The following BTNL2 variants were observed in gnomAD, a reference collection of about 807,000 sequenced individuals.
The protein encoded by BTNL2 is butyrophilin like 2, also known as butyrophilin-like protein 2.
A neutral mutation model predicts 46.8 loss-of-function variants in BTNL2; 46 were observed. That is an observed-to-expected ratio of 0.98 (90% CI 0.78 to 1.26). The LOEUF is 1.26. Among genes scored for constraint, BTNL2 ranks in the 50% most tolerant of loss-of-function variants. The pLI, the probability that BTNL2 is intolerant of heterozygous loss-of-function variation, is 0.00. For synonymous variants in BTNL2, 226 were observed against 229.1 expected (o/e 0.99, Z 0.12); for missense variants, 461 against 592.6 (o/e 0.78, Z 2.31).
Position 32,399,062 on chromosome 6 carries a change from C to A in BTNL2, c.731-2676G>T, listed in dbSNP as rs1481590632. Among the ~76,000 whole-genome samples, 1 of 152,060 alleles carries A rather than the reference C, an allele frequency of 6.6e-6. No individual in the cohort carries two copies. Among genetic ancestry groups the A allele is most frequent in the African/African-American group, 2.4e-5 (1 of 41,432 alleles). ...TTAAGCCCAGCATCCATTAGCTGTT[C>A]TTCCTGATGCTCTCCCTCCCCCATC... is the stretch of plus-strand genomic sequence containing the variant. On this transcript the variant is annotated intron_variant, in intron 4 of 7. Coordinates refer to ENST00000454136, the MANE Select transcript of BTNL2 (RefSeq NM_001304561.2). This position sits in a 1 kb window ranked among gnomAD's most constrained non-coding sequence, Gnocchi z 5.2.
rs117646657 is a variant in BTNL2, at chr6:32,399,274, T to G, written c.730+2511A>C. ...TGTTTTGTTTTGGTTATTGTTTGTA[T>G]GTTCTGAATGCCTTCTGAATATCCA... On this transcript the variant is annotated intron_variant, in intron 4 of 7. Transcript: ENST00000454136. This position sits in a 1 kb window ranked among gnomAD's most constrained non-coding sequence, Gnocchi z 5.2. 0.018 allele frequency among the ~76,000 whole-genome samples: 2,671 copies of G among 152,360 alleles called. 79 individuals carry two copies. Among genetic ancestry groups the G allele is most frequent in the East Asian group, 0.11 (571 of 5,188 alleles).
chr6:32,403,224 G>C lies in BTNL2; in HGVS notation c.428-8C>G. 1 of 1,595,118 alleles carries C rather than the reference G, an allele frequency of 6.3e-7. No homozygotes were observed. Among genetic ancestry groups the C allele is most frequent in the Non-Finnish European group, 8.5e-7 (1 of 1,170,222 alleles). ...TAGGGGCAGACCCCAGACCTGCAGA[G>C]GGAAGCCACAGCTCTGACACCCAGA... On this transcript the variant is annotated splice_region_variant and splice_polypyrimidine_tract_variant and intron_variant, in intron 2 of 7. Transcript: ENST00000454136.
chr6:32,396,145 C>T lies in BTNL2; in HGVS notation c.972G>A (p.Leu324=). 5 of 1,613,100 alleles carry T rather than the reference C, an allele frequency of 3.1e-6. No homozygotes were observed. Among genetic ancestry groups the T allele is most frequent in the Non-Finnish European group, 4.2e-6 (5 of 1,180,034 alleles). ...LVSDAIDEGR[L]TLQILSARPS... ...GTCTGGCACTGAGTATCTGCAGGGT[C>T]AGTCTGCCCTCGTCAATGGCGTCAC... The change falls in exon 5 of 8, where the codon CTG becomes CTA. Residue 324 remains leucine (L), a synonymous_variant. Coordinates refer to ENST00000454136, the MANE Select transcript of BTNL2 (RefSeq NM_001304561.2). This position sits in a 1 kb window ranked among gnomAD's most constrained non-coding sequence, Gnocchi z 4.4.
intron 5 of BTNL2, among the ~76,000 whole-genome samples, chr6:32,395,370 C>T (rs117674164): frequency 0.012 from 1,768 of 152,086 alleles, 69 homozygotes; most frequent in East Asian, 0.11. Flanking sequence ...TCTCAAAAAT[C>T]GAAACCTTAT....
intron 1 of BTNL2, 81 bp downstream of exon 1, chr6:32,406,964 T>C: frequency 1.5e-6 from 2 of 1,349,472 alleles, no homozygotes; most frequent in Admixed American, 1.8e-5. Flanking sequence ...CTTACACTCT[T>C]AGATGTTGTT....
At chr6:32,406,760 TCCTAAAGCCTGTGCTG>T (rs1300612099) in intron 1 of BTNL2, 52 of 233,466 alleles carry the variant, frequency 2.2e-4, no homozygotes, top group Middle Eastern at 1.3e-3. Context: ...TCTCATTTAA[TCCTAAAGCCTGTGCTG>T]GCCTCTGAGA....
At chr6:32,401,896 T>C in intron 3 of BTNL2, 91 bp from the exon 4 acceptor site, 1 of 1,052,356 alleles carries the variant, frequency 9.5e-7, no homozygotes, top group Non-Finnish European at 1.4e-6. Context: ...ATTTATACAT[T>C]ATATAGGGAA....
At position 32,403,114 on chromosome 6, in the gene BTNL2, C is replaced by G; in HGVS notation, c.530G>C (p.Trp177Ser). 6.2e-7 allele frequency: 1 copy of G among 1,612,876 alleles called. No individual in the cohort carries two copies. Among genetic ancestry groups the G allele is most frequent in the Non-Finnish European group, 8.5e-7 (1 of 1,179,930 alleles). ...CAGCTTCTCTCCCCGGATGTCTTCC[C>G]AATACACCTGGGGCTCTGGGAACCA... The part of the protein sequence containing the change: ...RGWFPEPQVY[W>S]EDIRGEKLLA... Residue 177 changes from tryptophan (W) to serine (S), a missense_variant, in exon 3 of 8, where the codon TGG (tryptophan) becomes TCG (serine). Trp to Ser is a radical substitution (Grantham distance 177). Transcript: ENST00000454136.
chr6:32,398,653 T>TG (rs141282778), intron 4 of BTNL2, among the ~76,000 whole-genome samples: 2,669 of 152,306 alleles, frequency 0.018, 78 homozygotes, highest in East Asian at 0.11. Context: ...GTGTGACCTG[T>TG]GCACATATTA....
At chr6:32,405,745 T>G (rs1777095412) in intron 1 of BTNL2, among the ~76,000 whole-genome samples, 1 of 139,880 alleles carries the variant, frequency 7.1e-6, no homozygotes, top group Non-Finnish European at 1.6e-5. Context: ...GTTTAGATAA[T>G]AAATCCATTT....
chr6:32,399,514 A>G lies in BTNL2; in HGVS notation c.730+2271T>C, dbSNP rs535274954. On this transcript the variant is annotated intron_variant, in intron 4 of 7. Transcript: ENST00000454136. This position sits in a 1 kb window ranked among gnomAD's most constrained non-coding sequence, Gnocchi z 5.2. ...TAAATTCAACCTGTTCACTTTAAAG[A>G]TGAGAAAAATAGAGATGAATGAGCT... Among the ~76,000 whole-genome samples the G allele has an allele frequency of 4.6e-5, 7 of 152,224 alleles. No individual in the cohort carries two copies. Among genetic ancestry groups the G allele is most frequent in the Non-Finnish European group, 8.8e-5 (6 of 68,028 alleles).
chr6:32,399,760 AC>A lies in BTNL2; in HGVS notation c.730+2024del, dbSNP rs1355088193. On this transcript the variant is annotated intron_variant, in intron 4 of 7. Coordinates refer to ENST00000454136, the MANE Select transcript of BTNL2 (RefSeq NM_001304561.2). The surrounding 1 kb of genome is among the most constrained non-coding windows in gnomAD (Gnocchi z 5.2). ...ACATATTCAGCATCGTGCCTGGCAT[AC>A]AATTAATATTTTTAAAAACTATTAT... Among the ~76,000 whole-genome samples, 1 of 152,244 alleles carries A rather than the reference AC, an allele frequency of 6.6e-6. No individual in the cohort carries two copies. The highest frequency in any genetic ancestry group is 1.5e-5 in the Non-Finnish European group (1 of 68,056).
chr6:32,398,266 T>A (rs1776564041), intron 4 of BTNL2, among the ~76,000 whole-genome samples: 1 of 152,214 alleles, frequency 6.6e-6, no homozygotes, highest in Non-Finnish European at 1.5e-5. Context: ...AATTGTTGGT[T>A]CTCTGCATAG....
Position 32,403,216 on chromosome 6 carries a change from C to A in BTNL2, c.428G>T (p.Gly143Val). The change falls in exon 3 of 8, where the codon GGT becomes GTT. Residue 143 changes from glycine (G) to valine (V), a missense_variant and splice_region_variant. Transcript: ENST00000454136. ...GETSLLLKVAGLGSAPSIHME... is the reference protein window; with the variant it reads ...GETSLLLKVAVLGSAPSIHME... ...GTGGATGCTAGGGGCAGACCCCAGACCTGCAGAGGGAAGCCACAGCTCTGA... is the reference window on the plus strand; with the variant it reads ...GTGGATGCTAGGGGCAGACCCCAGAACTGCAGAGGGAAGCCACAGCTCTGA... 6.2e-7 allele frequency: 1 copy of A among 1,600,206 alleles called. No homozygotes were observed. The highest frequency in any genetic ancestry group is 2.3e-5 in the East Asian group (1 of 44,258).
intron 4 of BTNL2, among the ~76,000 whole-genome samples, chr6:32,397,976 A>G (rs1251623077): frequency 6.6e-6 from 1 of 152,252 alleles, no homozygotes; most frequent in Non-Finnish European, 1.5e-5. Flanking sequence ...GAAAATTAAA[A>G]TTAACATTTT....
At chr6:32,403,435 T>A (rs924838831) in intron 2 of BTNL2, among the ~76,000 whole-genome samples, 8 of 152,202 alleles carry the variant, frequency 5.3e-5, no homozygotes, top group Non-Finnish European at 1.0e-4. Context: ...CCAGTACTTT[T>A]CTCCAGATCC....
Position 32,403,095 on chromosome 6 carries a change from C to A in BTNL2, c.549G>T (p.Glu183Asp). The A allele has an allele frequency of 6.2e-7, 1 of 1,612,914 alleles. No homozygotes were observed. The highest frequency in any genetic ancestry group is 1.3e-5 in the African/African-American group (1 of 75,034). The change falls in exon 3 of 8, where the codon GAG becomes GAT. Residue 183 changes from glutamate to aspartate, a missense_variant. Coordinates refer to ENST00000454136, the MANE Select transcript of BTNL2 (RefSeq NM_001304561.2). ...PQVYWEDIRG[E>D]KLLAVSEHRI... ...GATGCTCAGACACGGCCAGCAGCTTCTCTCCCCGGATGTCTTCCCAATACA... is the reference window on the plus strand; with the variant it reads ...GATGCTCAGACACGGCCAGCAGCTTATCTCCCCGGATGTCTTCCCAATACA...
In BTNL2 at chr6:32,396,446, C is replaced by T; in HGVS notation, c.731-60G>A. On this transcript the variant is annotated intron_variant, in intron 4 of 7. Coordinates refer to ENST00000454136, the MANE Select transcript of BTNL2 (RefSeq NM_001304561.2). The surrounding 1 kb of genome is among the most constrained non-coding windows in gnomAD (Gnocchi z 4.4). ...ATCAAAATGGAACCAATAATGTCAT[C>T]TCTAAGAACAGCTCCATTGGAGTTT... The T allele has an allele frequency of 6.9e-7, 1 of 1,459,584 alleles. No individual in the cohort carries two copies. Among genetic ancestry groups the T allele is most frequent in the South Asian group, 1.2e-5 (1 of 83,284 alleles). The allele number at this position is 1,459,584 out of a possible 1,614,324, so 90.4% of individuals were successfully genotyped here.
rs564613201 is a variant in BTNL2, at chr6:32,399,872, T to C, written c.730+1913A>G. 0.018 allele frequency among the ~76,000 whole-genome samples: 2,667 copies of C among 152,304 alleles called. 77 individuals are homozygous for C. Among genetic ancestry groups the C allele is most frequent in the East Asian group, 0.11 (568 of 5,188 alleles). ...CCATAGAGAGCTGGGTGTCCCATCA[T>C]TAGAGCTCACCTGCAAAGCTTCCGT... On this transcript the variant is annotated intron_variant, in intron 4 of 7. Coordinates refer to ENST00000454136, the MANE Select transcript of BTNL2 (RefSeq NM_001304561.2). This position sits in a 1 kb window ranked among gnomAD's most constrained non-coding sequence, Gnocchi z 5.2.
Sources: gnomAD v4.1 joint callset for allele counts (sites outside exome capture counted in the v4.1 genomes callset) on GRCh38, gnomAD v4.1.1 for gene constraint, Gnocchi (gnomAD v3.1) non-coding constraint, MANE v1.5 for transcripts, NCBI Gene and HGNC (gene_info 2026-07-23, HGNC 2026-07-21) for gene names.